The following GLRA2 variants were observed in gnomAD, a reference collection of about 807,000 sequenced individuals.
GLRA2 encodes glycine receptor subunit alpha-2.
In GLRA2, 11 loss-of-function variants were observed where a neutral mutation model predicts 31.6. That is an observed-to-expected ratio of 0.35 (90% confidence interval 0.22 to 0.58). The LOEUF is 0.58. Ranked by LOEUF, GLRA2 falls within the 20% of genes least tolerant of loss-of-function variation. The probability of loss-of-function intolerance (pLI) is 0.84; values close to 1 mark genes in which losing one functional copy is unlikely to be tolerated. For missense variants in GLRA2, 212 were observed against 351.8 expected, an observed-to-expected ratio of 0.60 and a Z score of 3.18; for synonymous variants, 132 against 134.0, an observed-to-expected ratio of 0.99 and a Z score of 0.10.
intron 2 of GLRA2, among the ~76,000 whole-genome samples, chrX:14,565,457 A>G (rs984582613): frequency 9.0e-6 from 1 of 111,373 alleles, no homozygotes; most frequent in Non-Finnish European, 1.9e-5. Flanking sequence ...TCCAACTATT[A>G]CTGTAGAAAT....
intron 8 of GLRA2, among the ~76,000 whole-genome samples, chrX:14,726,288 G>A (rs1259630702): frequency 1.8e-5 from 2 of 111,973 alleles, no homozygotes; most frequent in Non-Finnish European, 3.8e-5. Flanking sequence ...CAAATTGGTT[G>A]CAGTTATGTT....
chrX:14,554,333 A>T (rs756071287), intron 2 of GLRA2, among the ~76,000 whole-genome samples: 1 of 112,087 alleles, frequency 8.9e-6, no homozygotes, highest in East Asian at 2.8e-4. Context: ...CCACCCTCAG[A>T]GAAATGGTGC....
intron 4 of GLRA2, among the ~76,000 whole-genome samples, chrX:14,595,373 A>G (rs1275890996): frequency 8.9e-6 from 1 of 111,750 alleles, no homozygotes; most frequent in African/African-American, 3.3e-5. Context: ...GGAACTCCCA[A>G]CAATTTATAC....
At chrX:14,679,427 T>TA (rs373479993) in intron 7 of GLRA2, among the ~76,000 whole-genome samples, 25,718 of 102,302 alleles carry the variant, frequency 0.25, 2,613 homozygotes, top group Non-Finnish European at 0.31. Context: ...TGATGATTGT[T>TA]AAAAAAAAAA....
At chrX:14,475,167 T>C in the GLRA2 span, among the ~76,000 whole-genome samples, 1 of 112,507 alleles carries the variant, frequency 8.9e-6, no homozygotes, top group African/African-American at 3.2e-5. Flanking sequence ...TGCACCAATA[T>C]ATGTTTTCTT....
At chrX:14,523,752 G>A in the GLRA2 span, among the ~76,000 whole-genome samples, 21 of 111,577 alleles carry the variant, frequency 1.9e-4, no homozygotes, top group African/African-American at 4.2e-4. Flanking sequence ...AACATTGATC[G>A]ATTAAGTTTG....
chrX:14,729,440 T>G (rs2091965661), intron 8 of GLRA2, among the ~76,000 whole-genome samples: 1 of 111,443 alleles, frequency 9.0e-6, no homozygotes, highest in Non-Finnish European at 1.9e-5. Flanking sequence ...TATTTGTCCT[T>G]TACACCAAGG....
At chrX:14,471,251 ATG>A in the GLRA2 span, among the ~76,000 whole-genome samples, 1 of 112,084 alleles carries the variant, frequency 8.9e-6, no homozygotes, top group Non-Finnish European at 1.9e-5. Context: ...GTTAATTAAC[ATG>A]TGTTTCCCTG....
intron 8 of GLRA2, among the ~76,000 whole-genome samples, chrX:14,701,327 G>T (rs2091537954): frequency 9.0e-6 from 1 of 111,023 alleles, no homozygotes; most frequent in South Asian, 3.8e-4. Context: ...ATAACCAGAT[G>T]GTGGGTTCCA....
intron 7 of GLRA2, among the ~76,000 whole-genome samples, chrX:14,639,879 T>G (rs955803776): frequency 1.8e-5 from 2 of 112,447 alleles, no homozygotes; most frequent in Non-Finnish European, 3.8e-5. Context: ...TACAAAGAAC[T>G]GCTACACAGA....
the GLRA2 span, among the ~76,000 whole-genome samples, chrX:14,499,249 T>G: frequency 8.9e-6 from 1 of 111,956 alleles, no homozygotes; most frequent in East Asian, 2.8e-4. Flanking sequence ...TGTTTCCCTT[T>G]GTCCACATTC....
At chrX:14,655,170 G>A (rs1484462392) in intron 7 of GLRA2, among the ~76,000 whole-genome samples, 1 of 111,804 alleles carries the variant, frequency 8.9e-6, no homozygotes, top group African/African-American at 3.3e-5. Context: ...TAGACACTGA[G>A]CAGAGACTGC....
At chrX:14,674,956 T>C (rs9887249) in intron 7 of GLRA2, among the ~76,000 whole-genome samples, 30,258 of 111,113 alleles carry the variant, frequency 0.27, 3,237 homozygotes, top group Non-Finnish European at 0.34. Context: ...GAATCCCCAC[T>C]TCCCCCTTAT....
chrX:14,651,417 G>A (rs1220772599), intron 7 of GLRA2, among the ~76,000 whole-genome samples: 2 of 111,430 alleles, frequency 1.8e-5, no homozygotes, highest in African/African-American at 6.5e-5. Context: ...ATACAGTCAT[G>A]TACCACACAA....
At chrX:14,493,724 C>T in the GLRA2 span, among the ~76,000 whole-genome samples, 5 of 93,018 alleles carry the variant, frequency 5.4e-5, no homozygotes, top group African/African-American at 1.3e-4. Flanking sequence ...TACATATATA[C>T]GTGTATATGT....
intron 7 of GLRA2, among the ~76,000 whole-genome samples, chrX:14,681,910 A>AATATATATATATATATATATATAT (rs1556060452): frequency 7.3e-4 from 30 of 41,220 alleles, no homozygotes; most frequent in Non-Finnish European, 1.2e-3. Flanking sequence ...AAAAAAAAAA[A>AATATATATATATATATATATATAT]ATATATATAT....
intron 7 of GLRA2, among the ~76,000 whole-genome samples, chrX:14,650,435 T>A (rs992404749): frequency 1.8e-5 from 2 of 110,635 alleles, no homozygotes; most frequent in Non-Finnish European, 3.8e-5. Flanking sequence ...GACAGGTTAA[T>A]CAAATAAATA....
chrX:14,644,934 C>A (rs936286643), intron 7 of GLRA2, among the ~76,000 whole-genome samples: 1 of 111,852 alleles, frequency 8.9e-6, no homozygotes, highest in African/African-American at 3.2e-5. Flanking sequence ...AACTCTAGTA[C>A]TAATCACAGC....
At chrX:14,534,551 T>A (rs766480542) in intron 2 of GLRA2, among the ~76,000 whole-genome samples, 1 of 111,119 alleles carries the variant, frequency 9.0e-6, no homozygotes, top group South Asian at 3.7e-4. Flanking sequence ...ATTTTATATG[T>A]CTAATATGAT....
Sources: allele counts gnomAD v4.1 joint callset (sites outside exome capture counted in the v4.1 genomes callset), GRCh38; gene constraint gnomAD v4.1.1; transcripts MANE v1.5; gene names NCBI Gene and HGNC (gene_info 2026-07-23, HGNC 2026-07-21).